The following B3GALT2 variants were observed in gnomAD, a reference collection of about 807,000 sequenced individuals.
B3GALT2 encodes UDP-Gal:betaGlcNAc beta 1,3-galactosyltransferase, polypeptide 2.
In B3GALT2, 13 loss-of-function variants were observed where a neutral mutation model predicts 33.5. The observed-to-expected ratio is 0.39, with a 90% CI of 0.25 to 0.62. The LOEUF is 0.62. B3GALT2 is among the 20% of genes least tolerant of loss of function. B3GALT2 has a pLI of 0.53. For missense variants in B3GALT2, 418 were observed against 509.1 expected, an observed-to-expected ratio of 0.82 and a Z score of 1.72; for synonymous variants, 195 against 172.7, an observed-to-expected ratio of 1.13 and a Z score of -1.01.
chr1:193,181,143 A>G lies in B3GALT2; in HGVS notation c.420T>C (p.Ile140=). The change falls in exon 2 of 2, where the codon ATT becomes ATC. Residue 140 remains isoleucine, a synonymous_variant. Coordinates refer to ENST00000367434, the MANE Select transcript of B3GALT2 (RefSeq NM_003783.3). ...HPNSYHFKYI[I]NEPEKCQEKS... ...TCTCTTGGCATTTTTCAGGCTCATT[A>G]ATAATATATTTGAAATGGTAAGAAT... 6.2e-7 allele frequency: 1 copy of G among 1,613,966 alleles called. No individual in the cohort carries two copies. The highest frequency in any genetic ancestry group is 8.5e-7 in the Non-Finnish European group (1 of 1,179,934).
In B3GALT2 at chr1:193,181,381, G is replaced by A; in HGVS notation, c.182C>T (p.Thr61Ile). ...GRAGFKENPV[T>I]YTFRGFRSTK... Reference sequence around the variant, plus strand: ...TGACCGAAATCCTCGGAAAGTGTATGTCACAGGGTTTTCTTTGAATCCAGC... The same window carrying A: ...TGACCGAAATCCTCGGAAAGTGTATATCACAGGGTTTTCTTTGAATCCAGC... Residue 61 changes from threonine to isoleucine, a missense_variant, in exon 2 of 2, where the codon ACA (threonine) becomes ATA (isoleucine). Coordinates refer to ENST00000367434, the MANE Select transcript of B3GALT2 (RefSeq NM_003783.3). 4.3e-6 allele frequency: 7 copies of A among 1,614,038 alleles called. No homozygotes were observed. Among genetic ancestry groups the A allele is most frequent in the Non-Finnish European group, 5.9e-6 (7 of 1,179,948 alleles).
chr1:193,184,074 A>G (rs1676765632), intron 1 of B3GALT2, among the ~76,000 whole-genome samples: 1 of 151,888 alleles, frequency 6.6e-6, no homozygotes, highest in Admixed American at 6.6e-5. Flanking sequence ...GCATAAATAC[A>G]TAGTTTTGGT....
At chr1:193,182,999 T>A (rs1034124310) in intron 1 of B3GALT2, among the ~76,000 whole-genome samples, 4 of 152,062 alleles carry the variant, frequency 2.6e-5, no homozygotes, top group African/African-American at 9.7e-5. Flanking sequence ...CATAAATACA[T>A]GTATGTATTT....
chr1:193,181,386 A>G lies in B3GALT2; in HGVS notation c.177T>C (p.Pro59=). 1 of 1,614,070 alleles carries G rather than the reference A, an allele frequency of 6.2e-7. No individual in the cohort carries two copies. Among genetic ancestry groups the G allele is most frequent in the Non-Finnish European group, 8.5e-7 (1 of 1,179,944 alleles). ...GAAATCCTCGGAAAGTGTATGTCAC[A>G]GGGTTTTCTTTGAATCCAGCTCTGC... The part of the protein sequence containing the change: ...LPGRAGFKEN[P]VTYTFRGFRS... Residue 59 remains proline (P), a synonymous_variant, in exon 2 of 2, where the codon CCT becomes CCC. Coordinates refer to ENST00000367434, the MANE Select transcript of B3GALT2 (RefSeq NM_003783.3).
intron 1 of B3GALT2, among the ~76,000 whole-genome samples, chr1:193,184,842 AT>A (rs1676777997): frequency 6.6e-6 from 1 of 151,954 alleles, no homozygotes; most frequent in Admixed American, 6.6e-5. Context: ...TTTAATCTTC[AT>A]TTTGGAATGC....
In B3GALT2 at chr1:193,180,585, C is replaced by G; in HGVS notation, c.978G>C (p.Lys326Asn). Residue 326 changes from lysine to asparagine, a missense_variant, in exon 2 of 2, where the codon AAG becomes AAC. Lys to Asn is a moderately conservative substitution (Grantham distance 94, BLOSUM62 0). This residue lies in a region of B3GALT2 where 226 missense variants were observed against 293.9 expected (regional missense o/e 0.77). Coordinates refer to ENST00000367434, the MANE Select transcript of B3GALT2 (RefSeq NM_003783.3). The stretch of plus-strand genomic sequence containing the variant: ...GGATACCTAAAGAAACTTTAAAAAT[C>G]TTTTCTGCCAGATCTCCAGAAAAAA... ...GYVFSGDLAE[K>N]IFKVSLGIRR... 6.2e-7 allele frequency: 1 copy of G among 1,614,096 alleles called. No individual in the cohort carries two copies. Among genetic ancestry groups the G allele is most frequent in the Non-Finnish European group, 8.5e-7 (1 of 1,179,960 alleles).
chr1:193,182,859 T>C (rs1385931783), intron 1 of B3GALT2, among the ~76,000 whole-genome samples: 1 of 152,070 alleles, frequency 6.6e-6, no homozygotes, highest in Admixed American at 6.6e-5. Flanking sequence ...GAGAAAACTT[T>C]TTGACAAGGA....
At chr1:193,182,265 T>A (rs1047099169) in intron 1 of B3GALT2, among the ~76,000 whole-genome samples, 2 of 152,118 alleles carry the variant, frequency 1.3e-5, no homozygotes, top group Non-Finnish European at 2.9e-5. Flanking sequence ...TCAAAATTAA[T>A]TTTCAGGGTC....
At position 193,181,490 on chromosome 1, in the gene B3GALT2, T is replaced by C. The variant is rs1350854828; in HGVS notation, c.73A>G (p.Thr25Ala). ...AGAGAAAGTACTCCAATAAGATGAG[T>C]GCGGAACAGAGACCTTTTGGCATTC... ...TWNAKRSLFR[T>A]HLIGVLSLVF... Residue 25 changes from threonine (T) to alanine (A), a missense_variant, in exon 2 of 2, where the codon ACT becomes GCT. By Grantham distance (58) the Thr-to-Ala change is moderately conservative (BLOSUM62 0). This residue lies in a region of B3GALT2 where 188 missense variants were observed against 197.5 expected (regional missense o/e 0.95). Transcript: ENST00000367434. The C allele has an allele frequency of 6.2e-7, 1 of 1,613,192 alleles. No homozygotes were observed. Among genetic ancestry groups the C allele is most frequent in the African/African-American group, 1.3e-5 (1 of 74,926 alleles).
At position 193,180,333 on chromosome 1, in the gene B3GALT2, T is replaced by C. The variant is rs778047557; in HGVS notation, c.1230A>G (p.Lys410=). The C allele has an allele frequency of 6.3e-7, 1 of 1,592,556 alleles. No individual in the cohort carries two copies. The highest frequency in any genetic ancestry group is 1.1e-5 in the South Asian group (1 of 87,936). The change falls in exon 2 of 2, where the codon AAA becomes AAG. Residue 410 remains lysine (K), a synonymous_variant. Coordinates refer to ENST00000367434, the MANE Select transcript of B3GALT2 (RefSeq NM_003783.3). ...GGTGGCGATACCTGCCTGCCTTTTCTTTTGCTGCGTTGGCACAGGCATTGT... is the reference window on the plus strand; with the variant it reads ...GGTGGCGATACCTGCCTGCCTTTTCCTTTGCTGCGTTGGCACAGGCATTGT... ...NKHNACANAA[K]EKAGRYRHRK...
chr1:193,179,025 A>G lies in B3GALT2; in HGVS notation c.*1269T>C, dbSNP rs1008008106. The G allele has an allele frequency of 2.6e-5, 4 of 152,226 alleles. No individual in the cohort carries two copies. The highest frequency in any genetic ancestry group is 9.6e-5 in the African/African-American group (4 of 41,456). The allele number at this position is 152,226 out of a possible 1,614,324, so 9.4% of individuals were successfully genotyped here. On this transcript the variant is annotated 3_prime_UTR_variant, in exon 2 of 2. Transcript: ENST00000367434. ...GATGGAGTCAAACAAAATTATTGTG[A>G]AAATACTTATAACACTCAGTAAAGT...
rs763003827 is a variant in B3GALT2, at chr1:193,181,144, A to G, written c.419T>C (p.Ile140Thr). ...CTCTTGGCATTTTTCAGGCTCATTAATAATATATTTGAAATGGTAAGAATT... is the reference window on the plus strand; with the variant it reads ...CTCTTGGCATTTTTCAGGCTCATTAGTAATATATTTGAAATGGTAAGAATT... ...HPNSYHFKYI[I>T]NEPEKCQEKS... The change falls in exon 2 of 2, where the codon ATT (isoleucine) becomes ACT (threonine). Residue 140 changes from isoleucine to threonine, a missense_variant. By Grantham distance (89) the Ile-to-Thr change is moderately conservative. Transcript: ENST00000367434. 1.9e-6 allele frequency: 3 copies of G among 1,614,022 alleles called. No individual in the cohort carries two copies. Among genetic ancestry groups the G allele is most frequent in the Non-Finnish European group, 2.5e-6 (3 of 1,179,948 alleles).
At chr1:193,185,876 A>G (rs1229743073) in intron 1 of B3GALT2, 143 bp downstream of exon 1, 1 of 152,176 alleles carries the variant, frequency 6.6e-6, no homozygotes, top group Non-Finnish European at 1.5e-5. Flanking sequence ...ACAATGACAA[A>G]TTTTAAAATC....
intron 1 of B3GALT2, among the ~76,000 whole-genome samples, chr1:193,185,593 A>C (rs1676793227): frequency 6.6e-6 from 1 of 152,058 alleles, no homozygotes; most frequent in Non-Finnish European, 1.5e-5. Context: ...TTTCCTTGCT[A>C]CTATTTAATG....
chr1:193,181,099 A>G lies in B3GALT2; in HGVS notation c.464T>C (p.Leu155Pro). The G allele has an allele frequency of 6.2e-7, 1 of 1,614,054 alleles. No individual in the cohort carries two copies. The highest frequency in any genetic ancestry group is 8.5e-7 in the Non-Finnish European group (1 of 1,179,948). ...KCQEKSPFLILLIAAEPGQIE... is the reference protein window; with the variant it reads ...KCQEKSPFLIPLIAAEPGQIE... ...TTGTCCAGGCTCTGCAGCTATTAGT[A>G]GTATTAAAAAAGGACTTTTCTCTTG... is the stretch of plus-strand genomic sequence containing the variant. Residue 155 changes from leucine to proline, a missense_variant, in exon 2 of 2, where the codon CTA (leucine) becomes CCA (proline). This residue lies in a region of B3GALT2 where 188 missense variants were observed against 197.5 expected (regional missense o/e 0.95). Coordinates refer to ENST00000367434, the MANE Select transcript of B3GALT2 (RefSeq NM_003783.3).
rs545493946 is a variant in B3GALT2, at chr1:193,186,268, A to G, written c.-370T>C. 6.6e-6 allele frequency: 1 copy of G among 152,522 alleles called. No homozygotes were observed. The highest frequency in any genetic ancestry group is 2.4e-5 in the African/African-American group (1 of 41,490). 9.4% of individuals were successfully genotyped at this position (152,522 alleles called of 1,614,324 possible). A position where few individuals can be genotyped will look rare whatever the true frequency, so the allele number is the denominator to read the frequency against. On this transcript the variant is annotated 5_prime_UTR_variant, in exon 1 of 2. Transcript: ENST00000367434. Reference sequence around the variant, plus strand: ...TTTCATTTTCTCTCTTTCGTTAAACAAAAGAGCTGTAGTTGCCCGTTCTGC... The same window carrying G: ...TTTCATTTTCTCTCTTTCGTTAAACGAAAGAGCTGTAGTTGCCCGTTCTGC...
At chr1:193,185,418 T>G (rs531398867) in intron 1 of B3GALT2, among the ~76,000 whole-genome samples, 2 of 152,256 alleles carry the variant, frequency 1.3e-5, no homozygotes, top group Non-Finnish European at 2.9e-5. Flanking sequence ...TGCTTTCCTT[T>G]TAGTATCTTC....
rs1676687789 is a variant in B3GALT2, at chr1:193,180,170, ACTT to A, written c.*121_*123del. ...TAACTTCTTCAGAAATTAAAAAAAT[ACTT>A]CTTGAATTTCTTTATGTGATGAGTT... On this transcript the variant is annotated 3_prime_UTR_variant, in exon 2 of 2. Coordinates refer to ENST00000367434, the MANE Select transcript of B3GALT2 (RefSeq NM_003783.3). 2.4e-6 allele frequency: 2 copies of A among 824,736 alleles called. No individual in the cohort carries two copies. The highest frequency in any genetic ancestry group is 3.5e-6 in the Non-Finnish European group (2 of 579,010). 51.1% of individuals were successfully genotyped at this position (824,736 alleles called of 1,614,324 possible).
At position 193,186,429 on chromosome 1, in the gene B3GALT2, T is replaced by TAA. The variant is rs914235423; in HGVS notation, c.-533_-532dup. 2.6e-5 allele frequency: 4 copies of TAA among 152,526 alleles called. No individual in the cohort carries two copies. Among genetic ancestry groups the TAA allele is most frequent in the African/African-American group, 7.2e-5 (3 of 41,414 alleles). The allele number at this position is 152,526 out of a possible 1,614,324, so 9.4% of individuals were successfully genotyped here. On this transcript the variant is annotated 5_prime_UTR_variant, in exon 1 of 2. Transcript: ENST00000367434. ...CTACTAATAACACTGAGCTGCAATGTAAAGCAGCCAGAGCTAAAATGTAGT... is the reference window on the plus strand; with the variant it reads ...CTACTAATAACACTGAGCTGCAATGTAAAAAGCAGCCAGAGCTAAAATGTAGT...
Sources: allele counts gnomAD v4.1 joint callset (sites outside exome capture counted in the v4.1 genomes callset), GRCh38; gene constraint gnomAD v4.1.1; regional missense constraint gnomAD v4.1.1; transcripts MANE v1.5; gene names NCBI Gene and HGNC (gene_info 2026-07-23, HGNC 2026-07-21).